Variants in KAT6A observed in about 807,000 individuals in gnomAD.
KAT6A encodes the protein lysine acetyltransferase 6A.
Under a neutral mutation model 198.4 loss-of-function variants are expected in KAT6A, and 9 were observed. The ratio of observed to expected loss-of-function variants is 0.05; its 90% CI spans 0.03 to 0.08. KAT6A has a LOEUF of 0.08. Ranked by LOEUF, KAT6A falls within the 10% of genes least tolerant of loss-of-function variation. The pLI is 1.00. For synonymous variants in KAT6A, 890 were observed against 883.0 expected (o/e 1.01, Z -0.14); for missense variants, 2,077 against 2,509.9 (o/e 0.83, Z 3.69).
intron 13 of KAT6A, 30 bp from the exon 14 acceptor site, chr8:41,943,030 A>G: frequency 6.2e-7 from 1 of 1,612,816 alleles, no homozygotes; most frequent in Non-Finnish European, 8.5e-7. Context: ...TATAGCAATC[A>G]ACAATGTACA....
intron 6 of KAT6A, 192 bp from the exon 7 acceptor site, chr8:41,977,519 G>A (rs1239020281): frequency 4.2e-6 from 2 of 477,662 alleles, no homozygotes; most frequent in Non-Finnish European, 7.3e-6. Context: ...TCTATTGCCA[G>A]GAAGCCTACT....
At chr8:42,030,867 T>C (rs1827074518) in intron 2 of KAT6A, among the ~76,000 whole-genome samples, 1 of 152,084 alleles carries the variant, frequency 6.6e-6, no homozygotes, top group African/African-American at 2.4e-5. Flanking sequence ...GGTTAACCAC[T>C]GTGCTCCGCC....
chr8:41,949,355 T>C lies in KAT6A; in HGVS notation c.1607A>G (p.Lys536Arg). 1 of 1,529,312 alleles carries C rather than the reference T, an allele frequency of 6.5e-7. No individual in the cohort carries two copies. The highest frequency in any genetic ancestry group is 8.7e-7 in the Non-Finnish European group (1 of 1,143,612). The allele number at this position is 1,529,312 out of a possible 1,614,324, so 94.7% of individuals were successfully genotyped here. Residue 536 changes from lysine to arginine, a missense_variant, in exon 10 of 17, where the codon AAA (lysine) becomes AGA (arginine). Lys to Arg is a conservative substitution (Grantham distance 26). Coordinates refer to ENST00000265713, the MANE Select transcript of KAT6A (RefSeq NM_006766.5). ...PYPQEYSRLP[K>R]LYLCEFCLKY... is the part of the protein sequence containing the mutation. ...TAGACAAAATTCACAAAGATACAAT[T>C]TGGGCAGCCTGTAAACGATAATTAA...
Position 41,946,684 on chromosome 8 carries a change from C to T in KAT6A, c.1903G>A (p.Glu635Lys). 6.3e-7 allele frequency: 1 copy of T among 1,575,392 alleles called. No individual in the cohort carries two copies. The highest frequency in any genetic ancestry group is 8.7e-7 in the Non-Finnish European group (1 of 1,145,116). The change falls in exon 12 of 17, where the codon GAA becomes AAA. Residue 635 changes from glutamate to lysine, a missense_variant and splice_region_variant. Glu to Lys is a moderately conservative substitution (Grantham distance 56). Around this residue, in one of 13 missense-constraint regions of KAT6A, gnomAD observed 127 missense variants for 209.6 expected, o/e 0.61. Coordinates refer to ENST00000265713, the MANE Select transcript of KAT6A (RefSeq NM_006766.5). ...GCHLVGYFSK[E>K]KHCQQKYNVS... ...TTGTACTTCTGTTGGCAGTGCTTTT[C>T]CTGGTGGAGAAAACACAAGTCAAGT...
At chr8:41,946,531 C>CACAT in intron 12 of KAT6A, 60 bp downstream of exon 12, 4 of 716,640 alleles carry the variant, frequency 5.6e-6, no homozygotes, top group African/African-American at 4.1e-5. Context: ...CACACACACA[C>CACAT]ACACACACAC....
chr8:42,023,827 C>CAAAAAAAAAAAA (rs200728544), intron 2 of KAT6A, among the ~76,000 whole-genome samples: 1 of 123,054 alleles, frequency 8.1e-6, no homozygotes. Flanking sequence ...TTTCTCTATC[C>CAAAAAAAAAAAA]AAAAAAAAAA....
At chr8:41,947,254 C>T (rs1822445580) in intron 11 of KAT6A, among the ~76,000 whole-genome samples, 2 of 152,206 alleles carry the variant, frequency 1.3e-5, no homozygotes, top group Admixed American at 1.3e-4. Context: ...CTGTTTTATA[C>T]ACTTGGATTT....
intron 12 of KAT6A, among the ~76,000 whole-genome samples, chr8:41,945,332 G>A (rs1053479547): frequency 1.5e-4 from 23 of 150,274 alleles, no homozygotes; most frequent in East Asian, 3.9e-4. Flanking sequence ...GTGCAGTGGC[G>A]TGATCTTGGC....
chr8:41,958,977 G>T (rs969834956), intron 8 of KAT6A, among the ~76,000 whole-genome samples: 1 of 152,018 alleles, frequency 6.6e-6, no homozygotes, highest in Non-Finnish European at 1.5e-5. Flanking sequence ...GGCTAACAAG[G>T]TGAAACCCCA....
chr8:42,049,915 C>T (rs1367247694), intron 1 of KAT6A, among the ~76,000 whole-genome samples: 1 of 152,154 alleles, frequency 6.6e-6, no homozygotes, highest in Non-Finnish European at 1.5e-5. Flanking sequence ...TTGAAAATAG[C>T]CTAGAGTAAA....
Position 41,955,391 on chromosome 8 carries a change from G to A in KAT6A, c.1503C>T (p.Pro501=). 1 of 1,611,572 alleles carries A rather than the reference G, an allele frequency of 6.2e-7. No homozygotes were observed. The highest frequency in any genetic ancestry group is 8.5e-7 in the Non-Finnish European group (1 of 1,178,644). Residue 501 remains proline, a synonymous_variant, in exon 9 of 17, where the codon CCC becomes CCT. Transcript: ENST00000265713. Reference sequence around the variant, plus strand: ...AGGGACAGCGGACTTGTGGATCAGGGGGACCAGTCACTCCAACTTTCTGTG... The same window carrying A: ...AGGGACAGCGGACTTGTGGATCAGGAGGACCAGTCACTCCAACTTTCTGTG... ...QALQKVGVTG[P]PDPQVRCPSV...
intron 9 of KAT6A, among the ~76,000 whole-genome samples, chr8:41,954,520 CTAG>C (rs1375239799): frequency 6.6e-6 from 1 of 152,102 alleles, no homozygotes; most frequent in East Asian, 1.9e-4. Context: ...CTACAATTAA[CTAG>C]TATTTAATTT....
chr8:41,959,021 GC>G (rs1823058987), intron 8 of KAT6A, among the ~76,000 whole-genome samples: 1 of 152,090 alleles, frequency 6.6e-6, no homozygotes, highest in Non-Finnish European at 1.5e-5. Context: ...TAGCTGAGGA[GC>G]TTGGTGGCGG....
Position 42,048,664 on chromosome 8 carries a change from C to T in KAT6A, c.314G>A (p.Arg105Gln), listed in dbSNP as rs764240239. ...QNVDWNKLIK[R>Q]AVEGLAESGG... ...AGACTCTGCCAAGCCCTCAACTGCC[C>T]GCTTTATCAGTTTATTCCAATCCAC... is the stretch of plus-strand genomic sequence containing the variant. Residue 105 changes from arginine (R) to glutamine (Q), a missense_variant, in exon 2 of 17, where the codon CGG becomes CAG. Arg to Gln is a conservative substitution (Grantham distance 43). Transcript: ENST00000265713. 1.6e-5 allele frequency: 26 copies of T among 1,614,070 alleles called. No homozygotes were observed. In the Admixed American group the frequency reaches 3.0e-4, roughly 19 times the overall value.
intron 8 of KAT6A, among the ~76,000 whole-genome samples, chr8:41,971,984 G>C (rs1410918947): frequency 6.6e-6 from 1 of 152,128 alleles, no homozygotes; most frequent in Non-Finnish European, 1.5e-5. Flanking sequence ...CTAAAAGCCA[G>C]AATCTATGGC....
intron 8 of KAT6A, chr8:41,957,322 G>A: frequency 9.0e-6 from 5 of 555,936 alleles, no homozygotes; most frequent in Non-Finnish European, 1.5e-5. Flanking sequence ...CCACAGCAAG[G>A]GTGTTTCCTT....
At chr8:42,000,281 T>C (rs1039282874) in intron 2 of KAT6A, among the ~76,000 whole-genome samples, 3 of 152,224 alleles carry the variant, frequency 2.0e-5, no homozygotes, top group African/African-American at 7.2e-5. Flanking sequence ...CCAGGCCCGG[T>C]GGCTCACGCC....
chr8:41,986,214 C>T (rs1014017160), intron 3 of KAT6A, among the ~76,000 whole-genome samples: 2 of 152,216 alleles, frequency 1.3e-5, no homozygotes, highest in African/African-American at 4.8e-5. Context: ...GCTGGGATTA[C>T]AGGCGTAAGC....
At chr8:41,955,774 G>A (rs192474769) in intron 8 of KAT6A, among the ~76,000 whole-genome samples, 78 of 152,236 alleles carry the variant, frequency 5.1e-4, no homozygotes, top group African/African-American at 1.7e-3. Context: ...AGTGAGGGAG[G>A]GGGACACTGC....
Sources: gnomAD v4.1 joint callset for allele counts (sites outside exome capture counted in the v4.1 genomes callset) on GRCh38, gnomAD v4.1.1 for gene constraint, gnomAD v4.1.1 regional missense constraint, MANE v1.5 for transcripts, NCBI Gene and HGNC (gene_info 2026-07-23, HGNC 2026-07-21) for gene names.